The following MYO1F variants were observed in gnomAD, a reference collection of about 807,000 sequenced individuals.
MYO1F encodes unconventional myosin-If.
Under a neutral mutation model 146.6 loss-of-function variants are expected in MYO1F, and 60 were observed. That is an observed-to-expected ratio of 0.41 (90% CI 0.33 to 0.51). The LOEUF is 0.51. Among genes scored for constraint, MYO1F ranks in the 20% least tolerant of loss-of-function variants. The pLI is 0.25. For missense variants in MYO1F, 1,274 were observed against 1,534.3 expected, an observed-to-expected ratio of 0.83 and a Z score of 2.83; for synonymous variants, 602 against 602.1, an observed-to-expected ratio of 1.00 and a Z score of 0.00.
chr19:8,567,058 ATTTTTTTTT>A (rs768377216), intron 1 of MYO1F, among the ~76,000 whole-genome samples: 2 of 127,694 alleles, frequency 1.6e-5, no homozygotes, highest in African/African-American at 6.0e-5. Flanking sequence ...ACTGGGTCCA[ATTTTTTTTT>A]TTTTTTTTTT....
At chr19:8,542,168 G>C (rs538752469) in intron 14 of MYO1F, among the ~76,000 whole-genome samples, 177 bp from the exon 15 acceptor site, 37 of 151,674 alleles carry the variant, frequency 2.4e-4, no homozygotes, top group Middle Eastern at 6.8e-3. Flanking sequence ...ATAGGGGATG[G>C]GGGGCGGGCT....
At chr19:8,547,194 G>A (rs755574416) in intron 12 of MYO1F, among the ~76,000 whole-genome samples, 3 of 150,582 alleles carry the variant, frequency 2.0e-5, no homozygotes, top group Non-Finnish European at 4.4e-5. Flanking sequence ...CCAGCTACTT[G>A]AGAGGCTGAA....
intron 1 of MYO1F, among the ~76,000 whole-genome samples, chr19:8,559,343 T>TG (rs1236249668): frequency 1.4e-3 from 11 of 7,988 alleles, no homozygotes; most frequent in Admixed American, 4.8e-3. Context: ...GGGTGGGGGG[T>TG]GGGGGGTGGG....
chr19:8,573,046 C>T lies in MYO1F; in HGVS notation c.3+4261G>A, dbSNP rs782633508. Among the ~76,000 whole-genome samples, 57 of 152,300 alleles carry T rather than the reference C, an allele frequency of 3.7e-4. No homozygotes were observed. The Middle Eastern group carries it at 0.01, about 27-fold the overall frequency. On this transcript the variant is annotated intron_variant, in intron 1 of 27. Transcript: ENST00000644032. The stretch of plus-strand genomic sequence containing the variant: ...ACTATTGGCCAGGTGTGGTGGCTCA[C>T]GCCTATAATCCCAGCACTTTGGGAG...
intron 1 of MYO1F, among the ~76,000 whole-genome samples, chr19:8,560,312 A>G (rs143814920): frequency 0.13 from 20,047 of 151,404 alleles, 1,525 homozygotes; most frequent in African/African-American, 0.18. Context: ...GTGAAACCCC[A>G]TCTCTACTAA....
Position 8,530,172 on chromosome 19 carries a change from T to A in MYO1F, c.2328+24A>T. 1 of 1,613,942 alleles carries A rather than the reference T, an allele frequency of 6.2e-7. No homozygotes were observed. The highest frequency in any genetic ancestry group is 1.1e-5 in the South Asian group (1 of 91,086). ...TGCCAGGCTGTAGTCAGGGTCTTGC[T>A]GTGCCCACCCACTAGTGCCTCACCT... On this transcript the variant is annotated intron_variant, in intron 21 of 27. Coordinates refer to ENST00000644032, the MANE Select transcript of MYO1F (RefSeq NM_012335.4). This position sits in a 1 kb window ranked among gnomAD's most constrained non-coding sequence, Gnocchi z 5.8.
At chr19:8,550,777 A>G in intron 8 of MYO1F, 83 bp from the exon 9 acceptor site, 2 of 1,595,800 alleles carry the variant, frequency 1.3e-6, no homozygotes, top group Non-Finnish European at 1.7e-6. Flanking sequence ...GGACCACAGC[A>G]CGGACTCAGG....
intron 1 of MYO1F, among the ~76,000 whole-genome samples, chr19:8,556,917 C>CAATCTG (rs1973886356): frequency 6.7e-6 from 1 of 148,892 alleles, no homozygotes; most frequent in Middle Eastern, 3.2e-3. Context: ...AAAAGGAAGC[C>CAATCTG]AATCTGAAAA....
intron 12 of MYO1F, among the ~76,000 whole-genome samples, chr19:8,547,598 T>G (rs147660247): frequency 0.063 from 9,075 of 143,182 alleles, 991 homozygotes; most frequent in African/African-American, 0.23. Flanking sequence ...AACGAGACTT[T>G]GTCTCAAAAA....
In MYO1F at chr19:8,555,650, C is replaced by T; in HGVS notation, c.141+9G>A. ...CTGCCTGCCCACCCCCAGCCTTGGC[C>T]CAGGGTACGAAGATGTAGTCGTCCA... On this transcript the variant is annotated intron_variant, in intron 2 of 27. Transcript: ENST00000644032. 6.2e-7 allele frequency: 1 copy of T among 1,614,048 alleles called. No homozygotes were observed. Among genetic ancestry groups the T allele is most frequent in the South Asian group, 1.1e-5 (1 of 91,086 alleles).
At position 8,522,522 on chromosome 19, in the gene MYO1F, C is replaced by T. The variant is rs1972102464; in HGVS notation, c.3075G>A (p.Gly1025=). Residue 1025 remains glycine (G), a synonymous_variant, in exon 27 of 28, where the codon GGG becomes GGA. Transcript: ENST00000644032. ...GGCCCACACCAGGCACTGGCCGTTG[C>T]CCCACGCTGCGCTTCCTCTGCATGC... ...MAGMQRKRSV[G]QRPVPGVGRP... 6.2e-7 allele frequency: 1 copy of T among 1,612,784 alleles called. No individual in the cohort carries two copies. Among genetic ancestry groups the T allele is most frequent in the Admixed American group, 1.7e-5 (1 of 59,892 alleles).
chr19:8,527,446 A>G lies in MYO1F; in HGVS notation c.2366T>C (p.Val789Ala), dbSNP rs1437267551. 1 of 1,613,944 alleles carries G rather than the reference A, an allele frequency of 6.2e-7. No homozygotes were observed. ...KRDLILTPKCVYVIGREKVKK... is the reference protein window; with the variant it reads ...KRDLILTPKCAYVIGREKVKK... ...CACTTTCTCTCGCCCAATCACATAC[A>G]CACACTTGGGCGTCAGGATCAAGTC... The change falls in exon 22 of 28, where the codon GTG becomes GCG. Residue 789 changes from valine (V) to alanine (A), a missense_variant. By Grantham distance (64) the Val-to-Ala change is moderately conservative. This residue lies in a region of MYO1F where 900 missense variants were observed against 1,155.1 expected (regional missense o/e 0.78). Transcript: ENST00000644032.
chr19:8,560,506 A>AAG, intron 1 of MYO1F, among the ~76,000 whole-genome samples: 1 of 150,762 alleles, frequency 6.6e-6, no homozygotes, highest in Non-Finnish European at 1.5e-5. Context: ...AAAAAAAAAA[A>AAG]GAACAGGTTC....
chr19:8,536,431 T>G (rs1193892026), intron 18 of MYO1F, 35 bp from the exon 19 acceptor site: 2 of 1,607,432 alleles, frequency 1.2e-6, no homozygotes, highest in East Asian at 4.5e-5. Context: ...GGAGTGCTCA[T>G]AGCAGACAGG....
chr19:8,568,637 T>A (rs1016472102), intron 1 of MYO1F, among the ~76,000 whole-genome samples: 14 of 151,458 alleles, frequency 9.2e-5, no homozygotes, highest in Non-Finnish European at 8.8e-5. Flanking sequence ...TGCAAGTGGA[T>A]TTGGCCGCGC....
chr19:8,536,725 G>C, intron 17 of MYO1F, 128 bp from the exon 18 acceptor site: 1 of 290,132 alleles, frequency 3.4e-6, no homozygotes, highest in Non-Finnish European at 6.4e-6. Flanking sequence ...TGGGGGGTGA[G>C]TTCTGTGGTC....
Position 8,545,656 on chromosome 19 carries a change from G to GT in MYO1F, c.1349dup (p.Asn450LysfsTer87). 1 of 1,613,862 alleles carries GT rather than the reference G, an allele frequency of 6.2e-7. No homozygotes were observed. The highest frequency in any genetic ancestry group is 8.5e-7 in the Non-Finnish European group (1 of 1,179,776). On this transcript the variant is annotated frameshift_variant, in exon 13 of 28. Transcript: ENST00000644032. LOFTEE classifies it high-confidence loss of function. ...AAGTTGACCCAGCCCTCACCAGCTT[G>GT]TTTTCGATGAGGTCACAGACGACCT...
chr19:8,570,226 C>T (rs929414821), intron 1 of MYO1F, among the ~76,000 whole-genome samples: 11 of 152,194 alleles, frequency 7.2e-5, no homozygotes, highest in East Asian at 1.9e-4. Flanking sequence ...GCGTGCACAA[C>T]GCCTGGCTAA....
At position 8,548,025 on chromosome 19, in the gene MYO1F, T is replaced by G; in HGVS notation, c.1269+11A>C. 2.1e-6 allele frequency: 3 copies of G among 1,458,578 alleles called. No individual in the cohort carries two copies. The highest frequency in any genetic ancestry group is 2.9e-6 in the Non-Finnish European group (3 of 1,040,016). 90.4% of individuals were successfully genotyped at this position (1,458,578 alleles called of 1,614,324 possible). A position where few individuals can be genotyped will look rare whatever the true frequency, so the allele number is the denominator to read the frequency against. On this transcript the variant is annotated intron_variant, in intron 12 of 27. Transcript: ENST00000644032. ...CCAGGATCCCCCATCCCTGACTGCTTGGCCGCCCACCTGCTCGGCCTTCAG... is the reference window on the plus strand; with the variant it reads ...CCAGGATCCCCCATCCCTGACTGCTGGGCCGCCCACCTGCTCGGCCTTCAG...
Sources: gnomAD v4.1 joint callset for allele counts (sites outside exome capture counted in the v4.1 genomes callset) on GRCh38, gnomAD v4.1.1 for gene constraint, gnomAD v4.1.1 regional missense constraint, Gnocchi (gnomAD v3.1) non-coding constraint, MANE v1.5 for transcripts, NCBI Gene and HGNC (gene_info 2026-07-23, HGNC 2026-07-21) for gene names.